Variants in SCHIP1 observed in about 807,000 individuals in gnomAD.
SCHIP1 encodes the protein schwannomin interacting protein 1, also known as schwannomin-interacting protein 1.
A neutral mutation model predicts 29.7 loss-of-function variants in SCHIP1; 8 were observed. The ratio of observed to expected loss-of-function variants is 0.27; its 90% CI spans 0.16 to 0.49. The LOEUF is 0.49. Ranked by LOEUF, SCHIP1 falls within the 20% of genes least tolerant of loss-of-function variation. The probability of loss-of-function intolerance (pLI) is 0.99; values close to 1 mark genes in which losing one functional copy is unlikely to be tolerated. For missense variants in SCHIP1, 193 were observed against 294.6 expected (o/e 0.66, Z 2.52); for synonymous variants, 76 against 94.9 (o/e 0.80, Z 1.16).
At chr3:159,323,096 C>T in the SCHIP1 span, among the ~76,000 whole-genome samples, 18 of 152,168 alleles carry the variant, frequency 1.2e-4, no homozygotes, top group Admixed American at 4.6e-4. Context: ...AAAAGATTGG[C>T]ATTAAAATTA....
At chr3:159,759,149 A>T in the SCHIP1 span, among the ~76,000 whole-genome samples, 3 of 152,224 alleles carry the variant, frequency 2.0e-5, no homozygotes, top group African/African-American at 4.8e-5. Flanking sequence ...TAATATGTTA[A>T]TTTTTTAAAG....
the SCHIP1 span, among the ~76,000 whole-genome samples, chr3:159,828,333 T>C: frequency 6.8e-6 from 1 of 147,480 alleles, no homozygotes; most frequent in East Asian, 2.0e-4. Context: ...AGATTGCAAC[T>C]TTGGATGAAT....
chr3:159,622,964 T>C, the SCHIP1 span, among the ~76,000 whole-genome samples: 3 of 152,132 alleles, frequency 2.0e-5, no homozygotes, highest in Admixed American at 6.6e-5. Context: ...CATATGTGCA[T>C]AGATAGGTGT....
the SCHIP1 span, among the ~76,000 whole-genome samples, chr3:159,333,242 C>T: frequency 6.6e-6 from 1 of 152,150 alleles, no homozygotes; most frequent in Non-Finnish European, 1.5e-5. Context: ...CATTTCTTTA[C>T]ATCCATGTAA....
the SCHIP1 span, chr3:159,765,385 G>T: frequency 2.1e-6 from 1 of 465,444 alleles, no homozygotes; most frequent in Non-Finnish European, 3.7e-6. Context: ...CGGAAAGTCG[G>T]GTTAGTGGAA....
At chr3:159,754,565 A>G in the SCHIP1 span, among the ~76,000 whole-genome samples, 1 of 152,214 alleles carries the variant, frequency 6.6e-6, no homozygotes, top group Non-Finnish European at 1.5e-5. Flanking sequence ...GCTTGCACAA[A>G]CTTGAATAAA....
At chr3:159,715,757 G>C in the SCHIP1 span, among the ~76,000 whole-genome samples, 2 of 152,196 alleles carry the variant, frequency 1.3e-5, no homozygotes, top group Non-Finnish European at 2.9e-5. Flanking sequence ...TATGTGAAAA[G>C]ACCAAATCTA....
chr3:159,354,461 T>C, the SCHIP1 span, among the ~76,000 whole-genome samples: 1 of 152,144 alleles, frequency 6.6e-6, no homozygotes, highest in Non-Finnish European at 1.5e-5. Context: ...TTTAGAAAAA[T>C]GTGTCTGAAG....
the SCHIP1 span, among the ~76,000 whole-genome samples, chr3:159,740,486 C>G: frequency 1.3e-5 from 2 of 152,114 alleles, no homozygotes; most frequent in Admixed American, 6.6e-5. Flanking sequence ...CAACCCACAG[C>G]CTGTCTTCCA....
At chr3:159,570,843 C>T in the SCHIP1 span, among the ~76,000 whole-genome samples, 556 of 152,192 alleles carry the variant, frequency 3.7e-3, 3 homozygotes, top group African/African-American at 0.013. Context: ...TCTAGTTCTC[C>T]TTGAAGAGGT....
At chr3:159,450,807 C>CTTTTTT in the SCHIP1 span, among the ~76,000 whole-genome samples, 1 of 123,058 alleles carries the variant, frequency 8.1e-6, no homozygotes, top group African/African-American at 3.2e-5. Flanking sequence ...ATTTAGTATT[C>CTTTTTT]TTTTTTTTTT....
chr3:159,648,167 G>T, the SCHIP1 span, among the ~76,000 whole-genome samples: 1 of 152,118 alleles, frequency 6.6e-6, no homozygotes, highest in Non-Finnish European at 1.5e-5. Flanking sequence ...TCTACTCCCA[G>T]CCTCAACTTC....
chr3:159,469,726 ATGAGT>A, the SCHIP1 span, among the ~76,000 whole-genome samples: 1 of 152,172 alleles, frequency 6.6e-6, no homozygotes, highest in Non-Finnish European at 1.5e-5. Flanking sequence ...TGAGTCCCTG[ATGAGT>A]TATTTCATTT....
At chr3:159,809,190 A>G in the SCHIP1 span, among the ~76,000 whole-genome samples, 2 of 123,548 alleles carry the variant, frequency 1.6e-5, no homozygotes, top group Non-Finnish European at 1.6e-5. Context: ...CCCTGTGTCC[A>G]TGTGTTCTCA....
the SCHIP1 span, among the ~76,000 whole-genome samples, chr3:159,690,015 G>A: frequency 6.6e-6 from 1 of 152,158 alleles, no homozygotes; most frequent in African/African-American, 2.4e-5. Context: ...TTTTATTGAG[G>A]ATTTTCGCAT....
chr3:159,509,582 G>A, the SCHIP1 span, among the ~76,000 whole-genome samples: 1 of 152,120 alleles, frequency 6.6e-6, no homozygotes, highest in Non-Finnish European at 1.5e-5. Context: ...TTACAATTTG[G>A]CATGTTTTTG....
chr3:159,533,682 T>A, the SCHIP1 span, among the ~76,000 whole-genome samples: 7 of 152,288 alleles, frequency 4.6e-5, no homozygotes, highest in South Asian at 1.4e-3. Flanking sequence ...GTGGATTGAT[T>A]TGGTCATAGT....
At chr3:159,871,797 T>C (rs894647863) in intron 2 of SCHIP1, among the ~76,000 whole-genome samples, 3 of 151,142 alleles carry the variant, frequency 2.0e-5, no homozygotes, top group Non-Finnish European at 3.0e-5. Context: ...CTTTGCCACC[T>C]CAGCTGTGCC....
At chr3:159,626,156 A>ATC in the SCHIP1 span, among the ~76,000 whole-genome samples, 1 of 116,484 alleles carries the variant, frequency 8.6e-6, no homozygotes, top group African/African-American at 6.3e-5. Context: ...AGATATATAT[A>ATC]TATATCTAGA....
Sources: gnomAD v4.1 joint callset for allele counts (sites outside exome capture counted in the v4.1 genomes callset) on GRCh38, gnomAD v4.1.1 for gene constraint, MANE v1.5 for transcripts, NCBI Gene and HGNC (gene_info 2026-07-23, HGNC 2026-07-21) for gene names.